The following ALPL variants were observed in gnomAD, a reference collection of about 807,000 sequenced individuals.
The protein encoded by ALPL is alkaline phosphatase, tissue-nonspecific isozyme.
Under a neutral mutation model 51.3 loss-of-function variants are expected in ALPL, and 42 were observed. That is an observed-to-expected ratio of 0.82 (90% CI 0.64 to 1.06). The LOEUF (loss-of-function observed/expected upper bound fraction) is 1.06. Among genes scored for constraint, ALPL ranks in the 50% least tolerant of loss-of-function variants. The probability of loss-of-function intolerance (pLI) is 0.00; values close to 1 mark genes in which losing one functional copy is unlikely to be tolerated. For synonymous variants in ALPL, 279 were observed against 296.4 expected, an observed-to-expected ratio of 0.94 and a Z score of 0.60; for missense variants, 589 against 709.4, an observed-to-expected ratio of 0.83 and a Z score of 1.93.
chr1:21,537,037 T>C (rs1274704930), intron 1 of ALPL, among the ~76,000 whole-genome samples: 1 of 151,894 alleles, frequency 6.6e-6, no homozygotes, highest in Non-Finnish European at 1.5e-5. Flanking sequence ...GCTGGGATTA[T>C]TGGCGCCCGC....
At chr1:21,550,008 G>A (rs1437611024) in intron 1 of ALPL, among the ~76,000 whole-genome samples, 2 of 152,202 alleles carry the variant, frequency 1.3e-5, no homozygotes, top group East Asian at 1.9e-4. Context: ...ACTCCATGTG[G>A]TATAGACGTA....
At chr1:21,545,869 A>G (rs374408238) in intron 1 of ALPL, among the ~76,000 whole-genome samples, 2 of 152,048 alleles carry the variant, frequency 1.3e-5, no homozygotes, top group African/African-American at 4.8e-5. Context: ...AGGCTGGAGT[A>G]CAGTGGCACG....
Position 21,535,604 on chromosome 1 carries a change from G to C in ALPL, c.-104-18374G>C, listed in dbSNP as rs1644095306. On this transcript the variant is annotated intron_variant, in intron 1 of 11. Coordinates refer to ENST00000374840, the MANE Select transcript of ALPL (RefSeq NM_000478.6). The stretch of plus-strand genomic sequence containing the variant: ...CACTTCAGCCTGAATGACAGAGCAA[G>C]ACCCTGTCTCAAAAAAAAAAGAAAG... Among the ~76,000 whole-genome samples the C allele has an allele frequency of 2.0e-5, 3 of 151,928 alleles. No individual in the cohort carries two copies. In the South Asian group the frequency reaches 6.2e-4, roughly 32 times the overall value.
chr1:21,573,380 G>A (rs1479309744), intron 8 of ALPL, among the ~76,000 whole-genome samples: 3 of 151,056 alleles, frequency 2.0e-5, no homozygotes, highest in Non-Finnish European at 4.4e-5. Flanking sequence ...GAGGTTGCAG[G>A]GAGCCGAGAT....
chr1:21,531,778 G>A (rs746431636), intron 1 of ALPL, among the ~76,000 whole-genome samples: 15 of 152,150 alleles, frequency 9.9e-5, no homozygotes, highest in Admixed American at 2.0e-4. Flanking sequence ...GTGTGTATGG[G>A]GGCCTGGGCT....
chr1:21,568,450 G>A (rs927748255), intron 7 of ALPL, among the ~76,000 whole-genome samples: 2 of 152,164 alleles, frequency 1.3e-5, no homozygotes, highest in South Asian at 2.1e-4. Flanking sequence ...ATACCAGAGA[G>A]AGGCGGATGG....
At position 21,512,803 on chromosome 1, in the gene ALPL, C is replaced by G. The variant is rs551110667; in HGVS notation, c.-105+3286C>G. Among the ~76,000 whole-genome samples, 4 of 152,316 alleles carry G rather than the reference C, an allele frequency of 2.6e-5. No individual in the cohort carries two copies. In the East Asian group the frequency reaches 7.7e-4, roughly 29 times the overall value. On this transcript the variant is annotated intron_variant, in intron 1 of 11. Transcript: ENST00000374840. The stretch of plus-strand genomic sequence containing the variant: ...TTAAAGTTTTCCATGCTTAAATTCT[C>G]AGCCTCACTGTGGCATGAAATCAAT...
intron 1 of ALPL, among the ~76,000 whole-genome samples, chr1:21,537,237 G>A (rs1298707782): frequency 6.6e-6 from 1 of 152,156 alleles, no homozygotes; most frequent in Non-Finnish European, 1.5e-5. Flanking sequence ...GAGGCAGAAT[G>A]GAGTTTATTA....
chr1:21,535,890 C>T (rs576358392), intron 1 of ALPL, among the ~76,000 whole-genome samples: 2 of 152,304 alleles, frequency 1.3e-5, no homozygotes, highest in East Asian at 3.9e-4. Context: ...GCAGAGGGAC[C>T]TAGGGCAAGT....
intron 1 of ALPL, among the ~76,000 whole-genome samples, chr1:21,542,030 C>T (rs926791759): frequency 8.5e-5 from 13 of 152,202 alleles, no homozygotes; most frequent in African/African-American, 2.4e-4. Flanking sequence ...CACATTCCTG[C>T]GCAAGCACTT....
intron 1 of ALPL, among the ~76,000 whole-genome samples, chr1:21,537,757 C>T (rs750649134): frequency 9.2e-5 from 14 of 152,312 alleles, no homozygotes; most frequent in African/African-American, 3.1e-4. Context: ...TGAATCCCAG[C>T]GCTCCCACGT....
At chr1:21,509,375 C>T (rs1312471382), upstream of ALPL, 2 of 150,094 alleles carry the variant, frequency 1.3e-5, no homozygotes, top group Non-Finnish European at 3.0e-5. The surrounding 1 kb of genome is among the most constrained non-coding windows in gnomAD (Gnocchi z 6.0). Context: ...CCGGGCCTCA[C>T]TCGGGCCCCG....
At position 21,573,927 on chromosome 1, in the gene ALPL, A is replaced by C. The variant is rs2275370; in HGVS notation, c.997+128A>C. 8 of 1,511,074 alleles carry C rather than the reference A, an allele frequency of 5.3e-6. No homozygotes were observed. The South Asian group carries it at 6.4e-5, about 12-fold the overall frequency. 93.6% of individuals were successfully genotyped at this position (1,511,074 alleles called of 1,614,324 possible). A position where few individuals can be genotyped will look rare whatever the true frequency, so the allele number is the denominator to read the frequency against. ...AAGGGAGAGGTCCCTTTAGGAGAAT[A>C]GGTTGTGGAAGGAGACGGGTGGCAC... is the stretch of plus-strand genomic sequence containing the variant. On this transcript the variant is annotated intron_variant, in intron 9 of 11. Coordinates refer to ENST00000374840, the MANE Select transcript of ALPL (RefSeq NM_000478.6).
intron 1 of ALPL, among the ~76,000 whole-genome samples, chr1:21,537,409 T>C (rs1259684481): frequency 1.3e-5 from 2 of 152,076 alleles, no homozygotes; most frequent in Non-Finnish European, 2.9e-5. Flanking sequence ...GCCCCTCACT[T>C]TGTGGAGCGG....
chr1:21,570,699 C>T lies in ALPL; in HGVS notation c.862+325C>T, dbSNP rs540823486. 3.9e-5 allele frequency among the ~76,000 whole-genome samples: 6 copies of T among 152,334 alleles called. No individual in the cohort carries two copies. In the East Asian group the frequency reaches 7.7e-4, roughly 20 times the overall value. On this transcript the variant is annotated intron_variant, in intron 8 of 11. Coordinates refer to ENST00000374840, the MANE Select transcript of ALPL (RefSeq NM_000478.6). ...GCCCTGGCTGGGAACTGGGACTTAA[C>T]AGCTCCTGGGCTATGGAGCCTGGGA...
chr1:21,520,642 T>C (rs566611957), intron 1 of ALPL, among the ~76,000 whole-genome samples: 3 of 152,030 alleles, frequency 2.0e-5, no homozygotes, highest in East Asian at 1.9e-4. Context: ...TTTGTACTTA[T>C]AGTAGACACG....
At chr1:21,560,050 G>C (rs58423539) in intron 2 of ALPL, among the ~76,000 whole-genome samples, 2,457 of 152,318 alleles carry the variant, frequency 0.016, 86 homozygotes, top group African/African-American at 0.056. Context: ...AGATCACCTG[G>C]CTCCTTTAAA....
chr1:21,565,098 T>A (rs1236532316), intron 6 of ALPL, among the ~76,000 whole-genome samples: 1 of 152,148 alleles, frequency 6.6e-6, no homozygotes, highest in African/African-American at 2.4e-5. Context: ...AAAGCCCCCC[T>A]GCCCAGCTAC....
At chr1:21,559,010 C>T (rs372242717) in intron 2 of ALPL, among the ~76,000 whole-genome samples, 5 of 152,292 alleles carry the variant, frequency 3.3e-5, no homozygotes, top group East Asian at 3.9e-4. Context: ...CCTGGCATCT[C>T]GCCCAGAGCC....
Sources: allele counts gnomAD v4.1 joint callset (sites outside exome capture counted in the v4.1 genomes callset), GRCh38; gene constraint gnomAD v4.1.1; non-coding constraint Gnocchi (gnomAD v3.1); transcripts MANE v1.5; gene names NCBI Gene and HGNC (gene_info 2026-07-23, HGNC 2026-07-21).